ROBO1: variants seen among roughly 807,000 people sequenced by gnomAD.
ROBO1 encodes the protein roundabout guidance receptor 1.
Under a neutral mutation model 195.9 loss-of-function variants are expected in ROBO1, and 149 were observed. The ratio of observed to expected loss-of-function variants is 0.76; its 90% CI spans 0.67 to 0.87. The LOEUF (loss-of-function observed/expected upper bound fraction) is 0.87, where lower values mean the gene tolerates loss of function less well. Among genes scored for constraint, ROBO1 ranks in the 40% least tolerant of loss-of-function variants. The pLI is 0.00. For missense variants in ROBO1, 1,933 were observed against 2,068.3 expected (o/e 0.93, Z 1.27); for synonymous variants, 816 against 733.2 (o/e 1.11, Z -1.82).
intron 1 of ROBO1, among the ~76,000 whole-genome samples, chr3:79,745,383 T>A (rs1703830671): frequency 6.6e-6 from 1 of 152,200 alleles, no homozygotes; most frequent in African/African-American, 2.4e-5. Context: ...CTTGTCTTTT[T>A]TAAAAAAATA....
chr3:78,634,587 C>T (rs764557269), intron 23 of ROBO1: 10 of 266,812 alleles, frequency 3.7e-5, no homozygotes, highest in South Asian at 1.3e-4. Context: ...AATATTTGTG[C>T]GGAGGCTCTC....
At chr3:79,589,642 C>T (rs1470394395) in intron 2 of ROBO1, among the ~76,000 whole-genome samples, 182 bp downstream of exon 2, 1 of 151,766 alleles carries the variant, frequency 6.6e-6, no homozygotes, top group Admixed American at 6.6e-5. Flanking sequence ...GCTCTCTATT[C>T]AAGAATAATA....
intron 3 of ROBO1, among the ~76,000 whole-genome samples, chr3:78,987,928 T>C (rs975615493): frequency 6.6e-6 from 1 of 152,124 alleles, no homozygotes; most frequent in Non-Finnish European, 1.5e-5. Flanking sequence ...TTATATTATA[T>C]AAAGTTGCTA....
At chr3:78,788,340 G>C (rs1472371622) in intron 4 of ROBO1, among the ~76,000 whole-genome samples, 1 of 145,874 alleles carries the variant, frequency 6.9e-6, no homozygotes, top group East Asian at 2.1e-4. Flanking sequence ...GGATGGTCTC[G>C]ATCTCCTGAC....
chr3:79,429,359 G>A (rs2038580932), intron 2 of ROBO1, among the ~76,000 whole-genome samples: 1 of 151,984 alleles, frequency 6.6e-6, no homozygotes, highest in Non-Finnish European at 1.5e-5. Flanking sequence ...GTAAAGCCAG[G>A]AAAACGTGGA....
intron 2 of ROBO1, among the ~76,000 whole-genome samples, chr3:79,514,916 C>T (rs72900092): frequency 1.6e-3 from 241 of 152,220 alleles, no homozygotes; most frequent in African/African-American, 5.3e-3. Flanking sequence ...ACATTTAGAA[C>T]ATTTTACAAA....
chr3:79,487,336 A>G (rs1939215715), intron 2 of ROBO1, among the ~76,000 whole-genome samples: 1 of 124,798 alleles, frequency 8.0e-6, no homozygotes, highest in Admixed American at 8.0e-5. Context: ...TGGATATTAT[A>G]GATAATGACC....
At chr3:79,372,827 G>A (rs1230103660) in intron 2 of ROBO1, among the ~76,000 whole-genome samples, 3 of 151,884 alleles carry the variant, frequency 2.0e-5, no homozygotes, top group African/African-American at 7.3e-5. Context: ...GTAAAACATA[G>A]TCTATAGAAG....
chr3:78,984,880 G>A (rs866391000), intron 3 of ROBO1, among the ~76,000 whole-genome samples: 2 of 152,146 alleles, frequency 1.3e-5, no homozygotes, highest in South Asian at 2.1e-4. Context: ...CCACTTATAC[G>A]TGAATTTCCT....
intron 2 of ROBO1, among the ~76,000 whole-genome samples, chr3:79,482,184 T>C (rs1376767404): frequency 6.6e-6 from 1 of 152,206 alleles, no homozygotes; most frequent in African/African-American, 2.4e-5. Flanking sequence ...TTTCATTACT[T>C]ATTTTGGATA....
At chr3:79,725,223 CTTTT>C (rs35418345) in intron 1 of ROBO1, among the ~76,000 whole-genome samples, 1,402 of 106,492 alleles carry the variant, frequency 0.013, 16 homozygotes, top group African/African-American at 0.046. Context: ...CTCTCTTCTT[CTTTT>C]TTTTTTTTTT....
At chr3:79,123,924 A>T (rs539199399) in intron 3 of ROBO1, among the ~76,000 whole-genome samples, 1 of 152,192 alleles carries the variant, frequency 6.6e-6, no homozygotes, top group Middle Eastern at 3.4e-3. Flanking sequence ...CTCCAACATG[A>T]TTTATTCATT....
chr3:79,756,537 C>T (rs112808271), intron 1 of ROBO1, among the ~76,000 whole-genome samples: 20 of 114,818 alleles, frequency 1.7e-4, no homozygotes, highest in South Asian at 8.6e-4. Flanking sequence ...GCAAAATGAG[C>T]GAAGCACCAT....
chr3:79,201,334 C>A (rs1465161288), intron 2 of ROBO1, among the ~76,000 whole-genome samples: 1 of 151,934 alleles, frequency 6.6e-6, no homozygotes, highest in Non-Finnish European at 1.5e-5. Flanking sequence ...ATTTTTCTGT[C>A]AGTAGAGAGA....
intron 3 of ROBO1, among the ~76,000 whole-genome samples, chr3:79,083,628 T>A (rs62259661): frequency 0.11 from 16,294 of 152,250 alleles, 1,179 homozygotes; most frequent in East Asian, 0.17. Context: ...TGGGAAATGG[T>A]AGGAAACTGT....
intron 4 of ROBO1, among the ~76,000 whole-genome samples, chr3:78,878,604 A>C (rs900603567): frequency 5.7e-4 from 86 of 151,280 alleles, no homozygotes; most frequent in African/African-American, 1.8e-3. Flanking sequence ...AAAAAAAAAA[A>C]AAAACTGCAT....
chr3:79,339,718 G>A lies in ROBO1; in HGVS notation c.89-214179C>T, dbSNP rs76429919. On this transcript the variant is annotated intron_variant, in intron 2 of 30. Coordinates refer to ENST00000464233, the MANE Select transcript of ROBO1 (RefSeq NM_002941.4). ...CTTATCCCACTAAGCATTAAGCTCC[G>A]TTGAAGGCCAAAATTTTGTCTGTGT... Among the ~76,000 whole-genome samples, 978 of 152,174 alleles carry A rather than the reference G, an allele frequency of 6.4e-3. 16 individuals carry two copies. Among genetic ancestry groups the A allele is most frequent in the African/African-American group, 0.022 (928 of 41,526 alleles).
chr3:79,695,256 T>C (rs1390158926), intron 1 of ROBO1, among the ~76,000 whole-genome samples: 1 of 151,622 alleles, frequency 6.6e-6, no homozygotes, highest in African/African-American at 2.4e-5. Context: ...TTTTTAATTA[T>C]ATTGCCTATT....
At chr3:78,922,429 A>G (rs1472601829) in intron 4 of ROBO1, among the ~76,000 whole-genome samples, 8 of 152,094 alleles carry the variant, frequency 5.3e-5, no homozygotes, top group Non-Finnish European at 1.0e-4. Flanking sequence ...AAAAATATAC[A>G]AATTCTCATA....
Sources: allele counts gnomAD v4.1 joint callset (sites outside exome capture counted in the v4.1 genomes callset), GRCh38; gene constraint gnomAD v4.1.1; transcripts MANE v1.5; gene names NCBI Gene and HGNC (gene_info 2026-07-23, HGNC 2026-07-21).